The following SLC9A3 variants were observed in gnomAD, a reference collection of about 807,000 sequenced individuals.
SLC9A3 encodes the protein sodium/hydrogen exchanger 3.
Under a neutral mutation model 86.8 loss-of-function variants are expected in SLC9A3, and 37 were observed. That is an observed-to-expected ratio of 0.43 (90% CI 0.33 to 0.56). SLC9A3 has a LOEUF of 0.56. Among genes scored for constraint, SLC9A3 ranks in the 20% least tolerant of loss-of-function variants. SLC9A3 has a pLI of 0.06. For synonymous variants in SLC9A3, 581 were observed against 528.3 expected, an observed-to-expected ratio of 1.10 and a Z score of -1.37; for missense variants, 1,011 against 1,171.9, an observed-to-expected ratio of 0.86 and a Z score of 2.00.
chr5:496,597 C>CTTTTTTTTTTATAGTTAA lies in SLC9A3; in HGVS notation c.212-4527_212-4526insTTAACTATAAAAAAAAAA. On this transcript the variant is annotated intron_variant, in intron 1 of 16. Transcript: ENST00000264938. The surrounding 1 kb of genome is among the most constrained non-coding windows in gnomAD (Gnocchi z 4.7). ...CTCATCTTTCCACTTTGTCTTCTGTCATTTTGCTCCATGCGAACGTCTTTT... is the reference window on the plus strand; with the variant it reads ...CTCATCTTTCCACTTTGTCTTCTGTCTTTTTTTTTTATAGTTAAATTTTGCTCCATGCGAACGTCTTTT... Among the ~76,000 whole-genome samples, 1 of 152,328 alleles carries CTTTTTTTTTTATAGTTAA rather than the reference C, an allele frequency of 6.6e-6. No homozygotes were observed. Among genetic ancestry groups the CTTTTTTTTTTATAGTTAA allele is most frequent in the South Asian group, 2.1e-4 (1 of 4,822 alleles).
At chr5:477,685 T>G (rs1579767067) in intron 10 of SLC9A3, 1 of 473,962 alleles carries the variant, frequency 2.1e-6, no homozygotes. Flanking sequence ...TGGGCAGAGG[T>G]CATGCTTGTG....
At position 475,390 on chromosome 5, in the gene SLC9A3, C is replaced by T. The variant is rs938151270; in HGVS notation, c.2251+171G>A. On this transcript the variant is annotated intron_variant, in intron 15 of 16. Coordinates refer to ENST00000264938, the MANE Select transcript of SLC9A3 (RefSeq NM_004174.4). Reference sequence around the variant, plus strand: ...CGGCCCACGTCTCCCCGGACAGCAGCCTCCGAGTTGGTTGAGGGGGCACTC... The same window carrying T: ...CGGCCCACGTCTCCCCGGACAGCAGTCTCCGAGTTGGTTGAGGGGGCACTC... 1.4e-5 allele frequency: 9 copies of T among 620,714 alleles called. No individual in the cohort carries two copies. The African/African-American group carries it at 1.5e-4, about 10-fold the overall frequency. 38.5% of individuals were successfully genotyped at this position (620,714 alleles called of 1,614,324 possible).
At position 473,374 on chromosome 5, in the gene SLC9A3, C is replaced by A; in HGVS notation, c.*5G>T. The A allele has an allele frequency of 7.1e-7, 1 of 1,415,620 alleles. No homozygotes were observed. Among genetic ancestry groups the A allele is most frequent in the Non-Finnish European group, 9.3e-7 (1 of 1,077,438 alleles). 87.7% of individuals were successfully genotyped at this position (1,415,620 alleles called of 1,614,324 possible). On this transcript the variant is annotated 3_prime_UTR_variant, in exon 17 of 17. Transcript: ENST00000264938. Reference sequence around the variant, plus strand: ...CGGCCGGTTAGCGGCGTGTCGGAGCCGGTGTCACCTGCGGGAGAGGAAGGC... The same window carrying A: ...CGGCCGGTTAGCGGCGTGTCGGAGCAGGTGTCACCTGCGGGAGAGGAAGGC...
chr5:524,268 G>A lies in SLC9A3; in HGVS notation c.55C>T (p.Leu19=). The change falls in exon 1 of 17, where the codon CTG becomes TTG. Residue 19 remains leucine, a synonymous_variant. Transcript: ENST00000264938. ...PDRGLLLALA[L]GGLARAGGVE... ...CCCCCGGCCCGCGCCAGCCCGCCCAGCGCCAGCGCCAGCAGCAGCCCCCGG... is the reference window on the plus strand; with the variant it reads ...CCCCCGGCCCGCGCCAGCCCGCCCAACGCCAGCGCCAGCAGCAGCCCCCGG... The A allele has an allele frequency of 1.5e-6, 2 of 1,361,706 alleles. No individual in the cohort carries two copies. Among genetic ancestry groups the A allele is most frequent in the Non-Finnish European group, 1.9e-6 (2 of 1,055,246 alleles). The allele number at this position is 1,361,706 out of a possible 1,614,324, so 84.4% of individuals were successfully genotyped here.
At position 472,979 on chromosome 5, in the gene SLC9A3, C is replaced by T. The variant is rs1738461592; in HGVS notation, c.*400G>A. 5.8e-6 allele frequency: 3 copies of T among 515,176 alleles called. No homozygotes were observed. The highest frequency in any genetic ancestry group is 3.7e-5 in the East Asian group (1 of 27,104). 31.9% of individuals were successfully genotyped at this position (515,176 alleles called of 1,614,324 possible). ...GCCGGCGGCGTCACAGCGGCGTCTC[C>T]TCCTGCTCCAGCGCGTGCGGCGGTG... On this transcript the variant is annotated 3_prime_UTR_variant, in exon 17 of 17. Transcript: ENST00000264938.
In SLC9A3 at chr5:472,960, G is replaced by C. The variant is rs973632517; in HGVS notation, c.*419C>G. 1.7e-4 allele frequency: 92 copies of C among 526,564 alleles called. No homozygotes were observed. Among genetic ancestry groups the C allele is most frequent in the Non-Finnish European group, 2.6e-4 (79 of 298,642 alleles). 32.6% of individuals were successfully genotyped at this position (526,564 alleles called of 1,614,324 possible). On this transcript the variant is annotated 3_prime_UTR_variant, in exon 17 of 17. Coordinates refer to ENST00000264938, the MANE Select transcript of SLC9A3 (RefSeq NM_004174.4). ...TGGCGCGCGGACCCTTCCCGCCGGC[G>C]GCGTCACAGCGGCGTCTCCTCCTGC...
At chr5:482,788 C>T in intron 6 of SLC9A3, 38 bp from the exon 7 acceptor site, 1 of 1,525,118 alleles carries the variant, frequency 6.6e-7, no homozygotes, top group South Asian at 1.2e-5. Context: ...TCCCCGGCCG[C>T]CCTCCCAGCC....
intron 1 of SLC9A3, among the ~76,000 whole-genome samples, chr5:522,670 T>C (rs1465773368): frequency 6.9e-6 from 1 of 144,480 alleles, no homozygotes; most frequent in East Asian, 2.0e-4. Flanking sequence ...AGGCAGGATG[T>C]GGAGGTTGCA....
chr5:520,134 A>C (rs1733843826), intron 1 of SLC9A3, among the ~76,000 whole-genome samples: 1 of 146,992 alleles, frequency 6.8e-6, no homozygotes, highest in African/African-American at 2.5e-5. Flanking sequence ...TCAAGGCGCC[A>C]CCTCCCTGAG....
Position 491,402 on chromosome 5 carries a change from G to A in SLC9A3, c.514+367C>T, listed in dbSNP as rs1241052368. 2.6e-5 allele frequency among the ~76,000 whole-genome samples: 4 copies of A among 152,190 alleles called. No individual in the cohort carries two copies. The highest frequency in any genetic ancestry group is 5.9e-5 in the Non-Finnish European group (4 of 68,020). On this transcript the variant is annotated intron_variant, in intron 2 of 16. Transcript: ENST00000264938. This position sits in a 1 kb window ranked among gnomAD's most constrained non-coding sequence, Gnocchi z 9.2. ...TCCGGCACACAGGCTGGGAGGGACG[G>A]TGCCCGATACACCAGGCTCTGCAGT...
At position 517,454 on chromosome 5, in the gene SLC9A3, C is replaced by T. The variant is rs114327265; in HGVS notation, c.211+6658G>A. Among the ~76,000 whole-genome samples the T allele has an allele frequency of 3.4e-3, 509 of 151,348 alleles. 1 individual carries two copies. The highest frequency in any genetic ancestry group is 4.6e-3 in the Non-Finnish European group (313 of 67,798). Reference sequence around the variant, plus strand: ...CCATCCAACTATTCACTCATCCATTCATCCAAGCCATCTATCCATCCACTC... The same window carrying T: ...CCATCCAACTATTCACTCATCCATTTATCCAAGCCATCTATCCATCCACTC... On this transcript the variant is annotated intron_variant, in intron 1 of 16. Transcript: ENST00000264938.
chr5:497,037 G>A lies in SLC9A3; in HGVS notation c.212-4966C>T, dbSNP rs1295569996. ...ACCACTACATTCCAGCCTGGGCGAC[G>A]GAGGCCTTGTCTCAAAAAAAAAATT... On this transcript the variant is annotated intron_variant, in intron 1 of 16. Coordinates refer to ENST00000264938, the MANE Select transcript of SLC9A3 (RefSeq NM_004174.4). The surrounding 1 kb of genome is among the most constrained non-coding windows in gnomAD (Gnocchi z 5.4). 2.0e-5 allele frequency among the ~76,000 whole-genome samples: 3 copies of A among 152,074 alleles called. No homozygotes were observed. The highest frequency in any genetic ancestry group is 7.2e-5 in the African/African-American group (3 of 41,394).
chr5:485,309 C>T, intron 3 of SLC9A3, 78 bp from the exon 4 acceptor site: 1 of 1,211,500 alleles, frequency 8.3e-7, no homozygotes, highest in South Asian at 1.2e-5. Flanking sequence ...CCTCGCTGGA[C>T]TTGGCCCGAG....
At position 473,150 on chromosome 5, in the gene SLC9A3, C is replaced by CGCCCCCGGCGCAGGCCCG; in HGVS notation, c.*228_*229insCGGGCCTGCGCCGGGGGC. On this transcript the variant is annotated 3_prime_UTR_variant, in exon 17 of 17. Coordinates refer to ENST00000264938, the MANE Select transcript of SLC9A3 (RefSeq NM_004174.4). Reference sequence around the variant, plus strand: ...TCGGCAGCCCTCGGCGCTCCGGCCCCGCCCCCGGCGCAGGCCCCGCCCCCG... The same window carrying CGCCCCCGGCGCAGGCCCG: ...TCGGCAGCCCTCGGCGCTCCGGCCCCGCCCCCGGCGCAGGCCCGGCCCCCGGCGCAGGCCCCGCCCCCG... 2.8e-6 allele frequency: 1 copy of CGCCCCCGGCGCAGGCCCG among 354,998 alleles called. No homozygotes were observed. The highest frequency in any genetic ancestry group is 1.2e-4 in the South Asian group (1 of 8,440). 22.0% of individuals were successfully genotyped at this position (354,998 alleles called of 1,614,324 possible).
At chr5:498,692 G>A (rs4345352) in intron 1 of SLC9A3, among the ~76,000 whole-genome samples, 19,507 of 152,148 alleles carry the variant, frequency 0.13, 1,735 homozygotes, top group African/African-American at 0.24. Flanking sequence ...GTGAGCCACC[G>A]TGCCTGGCCA....
intron 1 of SLC9A3, among the ~76,000 whole-genome samples, chr5:503,253 G>A (rs560032843): frequency 6.6e-6 from 1 of 152,336 alleles, no homozygotes; most frequent in Admixed American, 6.5e-5. Context: ...AGCCTCAGTG[G>A]CCTGTGGGGC....
rs1739384047 is a variant in SLC9A3, at chr5:484,713, C to T, written c.755-16G>A. Reference sequence around the variant, plus strand: ...AAGAAGGACACTGGGTAGAGGACGCCCTTTGTGGCCGTGCCGGCCTTCCGG... The same window carrying T: ...AAGAAGGACACTGGGTAGAGGACGCTCTTTGTGGCCGTGCCGGCCTTCCGG... On this transcript the variant is annotated splice_polypyrimidine_tract_variant and intron_variant, in intron 4 of 16. Coordinates refer to ENST00000264938, the MANE Select transcript of SLC9A3 (RefSeq NM_004174.4). The T allele has an allele frequency of 1.2e-6, 2 of 1,610,500 alleles. No individual in the cohort carries two copies. The highest frequency in any genetic ancestry group is 8.5e-7 in the Non-Finnish European group (1 of 1,178,090).
At chr5:524,003 G>A (rs985648957) in intron 1 of SLC9A3, 109 bp downstream of exon 1, 4 of 651,150 alleles carry the variant, frequency 6.1e-6, no homozygotes, top group Admixed American at 8.7e-5. Flanking sequence ...CTCCCGGGCG[G>A]CCGCCGCGCG....
chr5:492,740 C>A (rs953900853), intron 1 of SLC9A3, among the ~76,000 whole-genome samples: 3 of 152,136 alleles, frequency 2.0e-5, no homozygotes, highest in African/African-American at 7.2e-5. Context: ...GTGCCTTTTG[C>A]CTTGGTGACC....
Sources: gnomAD v4.1 joint callset for allele counts (sites outside exome capture counted in the v4.1 genomes callset) on GRCh38, gnomAD v4.1.1 for gene constraint, Gnocchi (gnomAD v3.1) non-coding constraint, MANE v1.5 for transcripts, NCBI Gene and HGNC (gene_info 2026-07-23, HGNC 2026-07-21) for gene names.